The following SLC10A7 variants were observed in gnomAD, a reference collection of about 807,000 sequenced individuals.
The protein encoded by SLC10A7 is solute carrier family 10 member 7, also known as sodium/bile acid cotransporter 7.
A neutral mutation model predicts 43.2 loss-of-function variants in SLC10A7; 29 were observed. The ratio of observed to expected loss-of-function variants is 0.67; its 90% confidence interval spans 0.50 to 0.92. The LOEUF (loss-of-function observed/expected upper bound fraction) is 0.92, where lower values mean the gene tolerates loss of function less well. Among genes scored for constraint, SLC10A7 ranks in the 40% least tolerant of loss-of-function variants. The pLI, the probability that SLC10A7 is intolerant of heterozygous loss-of-function variation, is 0.00. For synonymous variants in SLC10A7, 152 were observed against 144.8 expected (o/e 1.05, Z -0.35); for missense variants, 295 against 403.2 (o/e 0.73, Z 2.30).
chr4:146,519,019 C>T (rs1738291360), intron 1 of SLC10A7, among the ~76,000 whole-genome samples: 1 of 139,290 alleles, frequency 7.2e-6, no homozygotes, highest in South Asian at 2.3e-4. Flanking sequence ...CTGAAACCCT[C>T]CACTTGTTCG....
At chr4:146,386,259 TTAA>T (rs1737985917) in intron 5 of SLC10A7, among the ~76,000 whole-genome samples, 1 of 152,214 alleles carries the variant, frequency 6.6e-6, no homozygotes, top group Admixed American at 6.5e-5. Context: ...TTTTGACTGT[TTAA>T]TAATAGCCAT....
intron 10 of SLC10A7, among the ~76,000 whole-genome samples, chr4:146,266,861 G>T (rs1728590557): frequency 6.6e-6 from 1 of 152,142 alleles, no homozygotes; most frequent in Non-Finnish European, 1.5e-5. Context: ...TTACATGAAT[G>T]AAATGCACCT....
chr4:146,419,871 C>T (rs1272378549), intron 5 of SLC10A7, among the ~76,000 whole-genome samples: 2 of 151,982 alleles, frequency 1.3e-5, no homozygotes, highest in Non-Finnish European at 2.9e-5. Context: ...CCATCCATTT[C>T]GTTTCAATAT....
chr4:146,473,635 A>C (rs2149969732), intron 4 of SLC10A7, among the ~76,000 whole-genome samples: 1 of 152,272 alleles, frequency 6.6e-6, no homozygotes, highest in Non-Finnish European at 1.5e-5. Flanking sequence ...TGCTTTTAGA[A>C]GTATTCTAAA....
At chr4:146,513,896 GT>G (rs1737710833) in intron 2 of SLC10A7, 2 of 152,168 alleles carry the variant, frequency 1.3e-5, no homozygotes, top group Non-Finnish European at 2.9e-5. Flanking sequence ...TAATCAAAAA[GT>G]TGGCTCTGCA....
chr4:146,436,251 C>T (rs1267160885), intron 5 of SLC10A7, among the ~76,000 whole-genome samples: 1 of 152,066 alleles, frequency 6.6e-6, no homozygotes, highest in African/African-American at 2.4e-5. Context: ...GGAATAGGTA[C>T]AGATCCTATA....
At chr4:146,492,901 T>G (rs1171445643) in intron 4 of SLC10A7, among the ~76,000 whole-genome samples, 1 of 152,222 alleles carries the variant, frequency 6.6e-6, no homozygotes, top group South Asian at 2.1e-4. Flanking sequence ...TACAATTGAT[T>G]AAAAAGCTGA....
chr4:146,419,236 G>A (rs1388518370), intron 5 of SLC10A7, among the ~76,000 whole-genome samples: 1 of 152,092 alleles, frequency 6.6e-6, no homozygotes, highest in Non-Finnish European at 1.5e-5. Context: ...GGGATTGAAA[G>A]TCCCTACCCT....
At chr4:146,273,493 G>A (rs995644707) in intron 10 of SLC10A7, among the ~76,000 whole-genome samples, 1 of 152,096 alleles carries the variant, frequency 6.6e-6, no homozygotes, top group Non-Finnish European at 1.5e-5. Context: ...CTCAAATGAG[G>A]TTAAAATAAC....
Position 146,512,217 on chromosome 4 carries a change from A to AC in SLC10A7, c.184-2169dup, listed in dbSNP as rs570923444. 4.7e-3 allele frequency among the ~76,000 whole-genome samples: 715 copies of AC among 151,914 alleles called. 2 individuals carry two copies. The highest frequency in any genetic ancestry group is 0.016 in the African/African-American group (664 of 41,420). On this transcript the variant is annotated intron_variant, in intron 2 of 11. Coordinates refer to ENST00000335472, the MANE Select transcript of SLC10A7 (RefSeq NM_001029998.6). ...TGGAACTCCTGACCTCAGGTGATCC[A>AC]CCCGCCTTGGCCTCCCCAAGTGCTG...
At chr4:146,511,203 T>C (rs1323613400) in intron 2 of SLC10A7, among the ~76,000 whole-genome samples, 1 of 152,230 alleles carries the variant, frequency 6.6e-6, no homozygotes, top group Non-Finnish European at 1.5e-5. Flanking sequence ...GCACACGTTA[T>C]GAGTTTAACA....
chr4:146,399,801 CTTTGCG>C (rs1384037856), intron 5 of SLC10A7, among the ~76,000 whole-genome samples: 1 of 151,946 alleles, frequency 6.6e-6, no homozygotes, highest in Admixed American at 6.6e-5. Context: ...AAGACTTCTA[CTTTGCG>C]CACAGTAAGC....
rs557395660 is a variant in SLC10A7 at position 146,390,019 on chromosome 4, T to C, written c.435+52764A>G. Among the ~76,000 whole-genome samples, 28 of 152,330 alleles carry C rather than the reference T, an allele frequency of 1.8e-4. No individual in the cohort carries two copies. The East Asian group carries it at 5.4e-3, about 29-fold the overall frequency. ...ATATTTTTAGGAGTTACAATGACAA[T>C]TATAATAGTACATAACATCACTAAG... On this transcript the variant is annotated intron_variant, in intron 5 of 11. Transcript: ENST00000335472.
At chr4:146,453,887 A>T (rs1209817348) in intron 4 of SLC10A7, among the ~76,000 whole-genome samples, 1 of 151,922 alleles carries the variant, frequency 6.6e-6, no homozygotes, top group African/African-American at 2.4e-5. Context: ...ACATTTTCAC[A>T]ATATGCATGG....
intron 5 of SLC10A7, among the ~76,000 whole-genome samples, chr4:146,390,185 C>T (rs547913537): frequency 2.6e-5 from 4 of 152,022 alleles, no homozygotes; most frequent in South Asian, 4.1e-4. Context: ...TGTAAGTAAA[C>T]CTGTTCACAA....
intron 6 of SLC10A7, among the ~76,000 whole-genome samples, chr4:146,318,739 T>G (rs1252783484): frequency 1.3e-5 from 2 of 152,040 alleles, no homozygotes; most frequent in Non-Finnish European, 2.9e-5. Flanking sequence ...GTATCTCCCA[T>G]GCTGAATTAT....
Position 146,290,095 on chromosome 4 carries a change from T to C in SLC10A7, c.773+2834A>G, listed in dbSNP as rs375079263. Among the ~76,000 whole-genome samples, 584 of 149,384 alleles carry C rather than the reference T, an allele frequency of 3.9e-3. 5 individuals are homozygous for C. The highest frequency in any genetic ancestry group is 0.01 in the African/African-American group (428 of 40,988). On this transcript the variant is annotated intron_variant, in intron 9 of 11. Coordinates refer to ENST00000335472, the MANE Select transcript of SLC10A7 (RefSeq NM_001029998.6). ...ATCCCAGCACTTTGGGAGGCCAAGGTGGGCGGATCACAAGGTCAGGAGATC... is the reference window on the plus strand; with the variant it reads ...ATCCCAGCACTTTGGGAGGCCAAGGCGGGCGGATCACAAGGTCAGGAGATC...
intron 5 of SLC10A7, among the ~76,000 whole-genome samples, chr4:146,380,252 T>C (rs1217242149): frequency 6.6e-6 from 1 of 152,130 alleles, no homozygotes; most frequent in Admixed American, 6.6e-5. Flanking sequence ...AAAAATCCCA[T>C]AGTTTTGACA....
intron 3 of SLC10A7, among the ~76,000 whole-genome samples, chr4:146,507,139 T>C (rs1736990614): frequency 6.6e-6 from 1 of 152,232 alleles, no homozygotes; most frequent in Non-Finnish European, 1.5e-5. Flanking sequence ...CAGAAAGAAT[T>C]CATATGTTTT....
Sources: gnomAD v4.1 joint callset for allele counts (sites outside exome capture counted in the v4.1 genomes callset) on GRCh38, gnomAD v4.1.1 for gene constraint, MANE v1.5 for transcripts, NCBI Gene and HGNC (gene_info 2026-07-23, HGNC 2026-07-21) for gene names.